ABCB5: variants seen among roughly 807,000 people sequenced by gnomAD.
The protein encoded by ABCB5 is ATP-binding cassette sub-family B member 5.
In ABCB5, 155 loss-of-function variants were observed where a neutral mutation model predicts 144.2. That is an observed-to-expected ratio of 1.08 (90% CI 0.94 to 1.23). The LOEUF is 1.23. ABCB5 is among the 50% of genes most tolerant of loss of function. The probability of loss-of-function intolerance (pLI) is 0.00; values close to 1 mark genes in which losing one functional copy is unlikely to be tolerated. For synonymous variants in ABCB5, 610 were observed against 528.6 expected, an observed-to-expected ratio of 1.15 and a Z score of -2.11; for missense variants, 1,830 against 1,520.8, an observed-to-expected ratio of 1.20 and a Z score of -3.38.
At chr7:20,746,527 T>C (rs1782728906) in intron 26 of ABCB5, among the ~76,000 whole-genome samples, 1 of 152,376 alleles carries the variant, frequency 6.6e-6, no homozygotes, top group Middle Eastern at 3.4e-3. Context: ...TATCACAGTC[T>C]GAAAATTACC....
intron 14 of ABCB5, among the ~76,000 whole-genome samples, chr7:20,678,030 G>A (rs1272785143): frequency 6.6e-6 from 1 of 152,056 alleles, no homozygotes; most frequent in East Asian, 1.9e-4. Context: ...TTAAACCAAA[G>A]TGCAATACAT....
chr7:20,641,118 G>A (rs920601954), intron 5 of ABCB5, among the ~76,000 whole-genome samples: 3 of 152,004 alleles, frequency 2.0e-5, no homozygotes, highest in Non-Finnish European at 2.9e-5. Context: ...TCTCCATTTC[G>A]AGGTTTAACA....
chr7:20,738,652 T>G (rs1237940389), intron 23 of ABCB5, among the ~76,000 whole-genome samples: 1 of 152,218 alleles, frequency 6.6e-6, no homozygotes, highest in Non-Finnish European at 1.5e-5. Flanking sequence ...AGTTGAATTC[T>G]CTGTCAAATC....
chr7:20,624,330 T>C (rs551873596), intron 2 of ABCB5, among the ~76,000 whole-genome samples: 2 of 152,348 alleles, frequency 1.3e-5, no homozygotes, highest in East Asian at 1.9e-4. Flanking sequence ...ACTAGCTACA[T>C]AAACTTGGGT....
At chr7:20,692,671 G>T (rs1786273157) in intron 16 of ABCB5, among the ~76,000 whole-genome samples, 2 of 151,906 alleles carry the variant, frequency 1.3e-5, no homozygotes, top group South Asian at 4.2e-4. Context: ...TATATTATGG[G>T]TTTTTTTAAG....
At chr7:20,679,172 G>T (rs963024656) in intron 14 of ABCB5, among the ~76,000 whole-genome samples, 1 of 152,062 alleles carries the variant, frequency 6.6e-6, no homozygotes, top group Admixed American at 6.6e-5. Context: ...ACACCATTAA[G>T]AGAGTGAAAA....
chr7:20,699,257 CAGAT>C (rs1424681265), intron 17 of ABCB5, among the ~76,000 whole-genome samples: 2 of 151,104 alleles, frequency 1.3e-5, no homozygotes, highest in African/African-American at 4.9e-5. Context: ...ATAATAATAG[CAGAT>C]AGATGACTCA....
intron 27 of ABCB5, 32 bp from the exon 28 acceptor site, chr7:20,755,395 A>C: frequency 6.2e-7 from 1 of 1,605,792 alleles, no homozygotes; most frequent in Non-Finnish European, 8.5e-7. Context: ...ATCTAACTCA[A>C]ACTGGTGATC....
intron 7 of ABCB5, 148 bp from the exon 8 acceptor site, chr7:20,645,608 A>G (rs1474656528): frequency 1.9e-5 from 19 of 982,260 alleles, no homozygotes; most frequent in Non-Finnish European, 2.8e-5. Context: ...ACCTCTTAGT[A>G]TTTGAAGACA....
chr7:20,699,599 G>A (rs1484577429), intron 17 of ABCB5, among the ~76,000 whole-genome samples: 2 of 152,080 alleles, frequency 1.3e-5, no homozygotes, highest in Non-Finnish European at 2.9e-5. Context: ...TACTCGGGAG[G>A]CTGAGGCATG....
chr7:20,645,797 C>T lies in ABCB5; in HGVS notation c.720C>T (p.Ser240=), dbSNP rs1583389608. ...SLTSKELSAY[S]KAGAVAEEVL... is the part of the protein sequence containing the mutation. Reference sequence around the variant, plus strand: ...CCAGTAAGGAATTAAGTGCCTATTCCAAAGCTGGGGCTGTGGCAGAAGAAG... The same window carrying T: ...CCAGTAAGGAATTAAGTGCCTATTCTAAAGCTGGGGCTGTGGCAGAAGAAG... Residue 240 remains serine (S), a synonymous_variant, in exon 8 of 28, where the codon TCC becomes TCT. Transcript: ENST00000404938. 1 of 1,613,802 alleles carries T rather than the reference C, an allele frequency of 6.2e-7. No individual in the cohort carries two copies. The highest frequency in any genetic ancestry group is 8.5e-7 in the Non-Finnish European group (1 of 1,179,754).
At chr7:20,667,226 A>G in intron 14 of ABCB5, 1 of 948,050 alleles carries the variant, frequency 1.1e-6, no homozygotes, top group Non-Finnish European at 1.3e-6. Context: ...TACCTTAATC[A>G]AATATTTATA....
intron 20 of ABCB5, among the ~76,000 whole-genome samples, chr7:20,708,457 T>C (rs1470786271): frequency 2.6e-5 from 4 of 152,160 alleles, no homozygotes; most frequent in Non-Finnish European, 5.9e-5. Flanking sequence ...TGAGCCATAA[T>C]TGTCCTACTG....
In ABCB5 at chr7:20,711,844, CTTTT is replaced by C. The variant is rs1562573787; in HGVS notation, c.2421+7038_2421+7041del. Among the ~76,000 whole-genome samples the C allele has an allele frequency of 1.6e-3, 132 of 84,476 alleles. 15 individuals carry two copies. Among genetic ancestry groups the C allele is most frequent in the African/African-American group, 5.3e-3 (119 of 22,644 alleles). The allele number at this position is 84,476 out of a possible 152,430, so 55.4% of individuals were successfully genotyped here. The stretch of plus-strand genomic sequence containing the variant: ...TCTTTCTTTCTTTCTTTCTTTCTTT[CTTTT>C]CTTTCTTTCTTTCCTTCCTCCCTCC... On this transcript the variant is annotated intron_variant, in intron 20 of 27. Coordinates refer to ENST00000404938, the MANE Select transcript of ABCB5 (RefSeq NM_001163941.2).
chr7:20,649,975 A>G, intron 11 of ABCB5, 47 bp from the exon 12 acceptor site: 2 of 1,562,862 alleles, frequency 1.3e-6, no homozygotes, highest in Non-Finnish European at 1.7e-6. Context: ...TGTGTCCATC[A>G]TCTTCTTATT....
At chr7:20,621,168 T>G (rs1189846506) in intron 1 of ABCB5, among the ~76,000 whole-genome samples, 1 of 152,112 alleles carries the variant, frequency 6.6e-6, no homozygotes, top group African/African-American at 2.4e-5. Context: ...TCCATTTATG[T>G]GAGACACCTA....
chr7:20,727,132 T>C lies in ABCB5; in HGVS notation c.2718T>C (p.Thr906=). The C allele has an allele frequency of 3.1e-6, 5 of 1,612,346 alleles. No homozygotes were observed. Among genetic ancestry groups the C allele is most frequent in the Non-Finnish European group, 4.2e-6 (5 of 1,178,704 alleles). Residue 906 remains threonine (T), a synonymous_variant, in exon 22 of 28, where the codon ACT becomes ACC. Coordinates refer to ENST00000404938, the MANE Select transcript of ABCB5 (RefSeq NM_001163941.2). ...FEQMYEEMLQ[T]QHRNTSKKAQ... is the part of the protein sequence containing the mutation. ...AAATGTATGAAGAGATGCTTCAGAC[T>C]CAACACAGGTGATTATAGATTCATA...
intron 16 of ABCB5, among the ~76,000 whole-genome samples, chr7:20,687,511 C>T (rs1159599232): frequency 6.6e-6 from 1 of 152,148 alleles, no homozygotes; most frequent in Non-Finnish European, 1.5e-5. Flanking sequence ...TAGTCACAGA[C>T]CTGCTCTGAA....
chr7:20,734,428 A>G (rs1272046805), intron 23 of ABCB5, among the ~76,000 whole-genome samples: 1 of 150,246 alleles, frequency 6.7e-6, no homozygotes, highest in Non-Finnish European at 1.5e-5. Context: ...GCAAAATCTG[A>G]TTTGTAGATC....
Sources: allele counts gnomAD v4.1 joint callset (sites outside exome capture counted in the v4.1 genomes callset), GRCh38; gene constraint gnomAD v4.1.1; transcripts MANE v1.5; gene names NCBI Gene and HGNC (gene_info 2026-07-23, HGNC 2026-07-21).